KLF8: variants seen among roughly 807,000 people sequenced by gnomAD.
KLF8 encodes Krueppel-like factor 8.
KLF8 carries 10 observed loss-of-function variants against 18.2 expected under a neutral mutation model. That is an observed-to-expected ratio of 0.55 (90% CI 0.34 to 0.93). KLF8 has a LOEUF of 0.93. KLF8 is among the 40% of genes least tolerant of loss of function. The pLI is 0.02. For synonymous variants in KLF8, 109 were observed against 97.3 expected (o/e 1.12, Z -0.71); for missense variants, 264 against 277.9 (o/e 0.95, Z 0.36).
chrX:56,079,660 AC>A, the KLF8 span, among the ~76,000 whole-genome samples: 1 of 111,292 alleles, frequency 9.0e-6, no homozygotes, highest in Non-Finnish European at 1.9e-5. Context: ...TATTAGGTCC[AC>A]TTGGTGCAGA....
chrX:56,269,365 T>C lies in KLF8; in HGVS notation c.647-13T>C, dbSNP rs1329486533. The C allele has an allele frequency of 9.2e-6, 11 of 1,197,198 alleles. No individual in the cohort carries two copies. The highest frequency in any genetic ancestry group is 1.1e-5 in the Non-Finnish European group (10 of 889,183). On this transcript the variant is annotated splice_polypyrimidine_tract_variant and intron_variant, in intron 3 of 5. Transcript: ENST00000468660. ...CATCTTCAGCTCACACTGCTCCCTT[T>C]CTTTGCTTTTAGTGAAAGTTGACCC...
At chrX:56,256,439 A>AT (rs1040716558) in intron 2 of KLF8, among the ~76,000 whole-genome samples, 30 of 107,004 alleles carry the variant, frequency 2.8e-4, no homozygotes, top group Non-Finnish European at 4.1e-4. Context: ...TTGTTTTTCT[A>AT]TTTTTTTTTC....
the KLF8 span, among the ~76,000 whole-genome samples, chrX:56,137,799 AAAAC>A: frequency 9.1e-6 from 1 of 109,619 alleles, no homozygotes; most frequent in South Asian, 3.8e-4. Context: ...AGAAAAAAGA[AAAAC>A]AAGCATAAAC....
the KLF8 span, among the ~76,000 whole-genome samples, chrX:56,089,077 T>C: frequency 1.8e-5 from 2 of 111,357 alleles, no homozygotes; most frequent in Non-Finnish European, 3.8e-5. Flanking sequence ...TTACTAGTTT[T>C]ATAAAGTCAT....
At chrX:55,995,220 A>G in the KLF8 span, among the ~76,000 whole-genome samples, 1 of 111,533 alleles carries the variant, frequency 9.0e-6, no homozygotes, top group Non-Finnish European at 1.9e-5. Flanking sequence ...AAGAATAGCA[A>G]TTTCTGCTTT....
the KLF8 span, among the ~76,000 whole-genome samples, chrX:55,975,278 T>G: frequency 9.0e-6 from 1 of 111,248 alleles, no homozygotes; most frequent in East Asian, 2.8e-4. Context: ...GAAGAGAGAA[T>G]GCATTTGGCA....
chrX:56,047,513 G>A, the KLF8 span, among the ~76,000 whole-genome samples: 1 of 107,952 alleles, frequency 9.3e-6, no homozygotes, highest in East Asian at 3.0e-4. Context: ...AAAACATGTG[G>A]TGTTTGGTTT....
chrX:55,942,388 G>A, the KLF8 span, among the ~76,000 whole-genome samples: 3 of 109,999 alleles, frequency 2.7e-5, no homozygotes, highest in Admixed American at 9.8e-5. Context: ...GTGGTGGGGT[G>A]GAATAGCATT....
At chrX:56,026,619 C>T in the KLF8 span, among the ~76,000 whole-genome samples, 1 of 111,744 alleles carries the variant, frequency 8.9e-6, no homozygotes, top group Non-Finnish European at 1.9e-5. Context: ...ACTCTGAGGT[C>T]GGTAGGCAGC....
the KLF8 span, among the ~76,000 whole-genome samples, chrX:56,053,884 G>C: frequency 1.8e-5 from 2 of 110,403 alleles, no homozygotes; most frequent in Non-Finnish European, 3.8e-5. Flanking sequence ...TGTTTATTTA[G>C]ATCTTCTCTC....
intron 4 of KLF8, among the ~76,000 whole-genome samples, 174 bp downstream of exon 4, chrX:56,269,663 A>T (rs763259553): frequency 1.8e-5 from 2 of 112,473 alleles, no homozygotes; most frequent in Admixed American, 9.4e-5. Context: ...TTGTGTGCAC[A>T]CATGTGCATG....
At chrX:56,006,901 C>T in the KLF8 span, among the ~76,000 whole-genome samples, 1 of 111,781 alleles carries the variant, frequency 8.9e-6, no homozygotes, top group Non-Finnish European at 1.9e-5. Context: ...TCCCAGGCCC[C>T]CGGATAGCAG....
At chrX:56,185,451 C>T in the KLF8 span, among the ~76,000 whole-genome samples, 1 of 112,033 alleles carries the variant, frequency 8.9e-6, no homozygotes, top group Non-Finnish European at 1.9e-5. Flanking sequence ...AAACACTCTG[C>T]AGGATATTAT....
chrX:56,208,540 A>C, the KLF8 span, among the ~76,000 whole-genome samples: 1 of 110,447 alleles, frequency 9.1e-6, no homozygotes, highest in Non-Finnish European at 1.9e-5. Flanking sequence ...TTTTCTAGTT[A>C]TTTAAGATCC....
chrX:56,197,062 A>G, the KLF8 span, among the ~76,000 whole-genome samples: 1 of 111,806 alleles, frequency 8.9e-6, no homozygotes, highest in African/African-American at 3.3e-5. Context: ...CAAAGACACA[A>G]TGTACCAGAA....
the KLF8 span, among the ~76,000 whole-genome samples, chrX:56,169,931 T>C: frequency 9.0e-6 from 1 of 111,540 alleles, no homozygotes. Context: ...ACAGTCTCAG[T>C]GGTGGTGACC....
chrX:56,218,759 C>T, the KLF8 span, among the ~76,000 whole-genome samples: 2 of 111,872 alleles, frequency 1.8e-5, no homozygotes, highest in South Asian at 7.5e-4. Flanking sequence ...CAGAAACTAT[C>T]CACTCAGATT....
the KLF8 span, among the ~76,000 whole-genome samples, chrX:56,134,943 C>A: frequency 9.0e-6 from 1 of 111,444 alleles, no homozygotes; most frequent in Admixed American, 9.6e-5. Context: ...CAGGGAAGTG[C>A]AAATCAAAAC....
the KLF8 span, among the ~76,000 whole-genome samples, chrX:55,931,728 C>A: frequency 8.9e-6 from 1 of 111,994 alleles, no homozygotes; most frequent in South Asian, 3.8e-4. Flanking sequence ...GCACCGTGGT[C>A]TGAGAGACTG....
Sources: gnomAD v4.1 joint callset for allele counts (sites outside exome capture counted in the v4.1 genomes callset) on GRCh38, gnomAD v4.1.1 for gene constraint, MANE v1.5 for transcripts, NCBI Gene and HGNC (gene_info 2026-07-23, HGNC 2026-07-21) for gene names.